Variants in SSBP3 observed in about 807,000 individuals in gnomAD.
The protein encoded by SSBP3 is single-stranded DNA-binding protein 3.
SSBP3 carries 5 observed loss-of-function variants against 69.6 expected under a neutral mutation model. The observed-to-expected ratio is 0.07, with a 90% CI of 0.04 to 0.15. The LOEUF (loss-of-function observed/expected upper bound fraction) is 0.15, where lower values mean the gene tolerates loss of function less well. SSBP3 is among the 10% of genes least tolerant of loss of function. SSBP3 has a pLI of 1.00. For synonymous variants in SSBP3, 196 were observed against 193.4 expected, an observed-to-expected ratio of 1.01 and a Z score of -0.11; for missense variants, 312 against 534.0, an observed-to-expected ratio of 0.58 and a Z score of 4.10.
intron 5 of SSBP3, among the ~76,000 whole-genome samples, chr1:54,276,608 C>CAA (rs746933473): frequency 0.013 from 439 of 35,114 alleles, 30 homozygotes; most frequent in African/African-American, 0.056. Flanking sequence ...GACTCTGTCT[C>CAA]AAAAAAAAAA....
intron 4 of SSBP3, among the ~76,000 whole-genome samples, chr1:54,282,243 C>T (rs1645408959): frequency 6.6e-6 from 1 of 152,196 alleles, no homozygotes; most frequent in Admixed American, 6.5e-5. Flanking sequence ...AAGCTCTTGG[C>T]AGGCCAGTGA....
At chr1:54,273,481 C>T (rs1291832467) in intron 5 of SSBP3, among the ~76,000 whole-genome samples, 2 of 152,330 alleles carry the variant, frequency 1.3e-5, no homozygotes, top group East Asian at 1.9e-4. Flanking sequence ...GCCCCAGTGC[C>T]GGTCATCTGC....
At chr1:54,354,824 G>T (rs1017148400) in intron 4 of SSBP3, among the ~76,000 whole-genome samples, 1 of 152,200 alleles carries the variant, frequency 6.6e-6, no homozygotes, top group Non-Finnish European at 1.5e-5. Flanking sequence ...GTTAAGACAC[G>T]GTGCCTTAGG....
intron 4 of SSBP3, among the ~76,000 whole-genome samples, chr1:54,394,337 T>C (rs1198872719): frequency 6.6e-6 from 1 of 152,212 alleles, no homozygotes; most frequent in Admixed American, 6.5e-5. Flanking sequence ...GATAAATATA[T>C]ATTTCGTTAC....
At chr1:54,337,485 CTTTTTTTTTTTTTTTTTTT>C (rs869039822) in intron 4 of SSBP3, among the ~76,000 whole-genome samples, 1 of 51,134 alleles carries the variant, frequency 2.0e-5, no homozygotes, top group Non-Finnish European at 3.2e-5. Context: ...TTTCCTCAAG[CTTTTTTTTTTTTTTTTTTT>C]TTTTTTTTTT....
At chr1:54,232,582 A>C (rs1644398412) in intron 14 of SSBP3, among the ~76,000 whole-genome samples, 2 of 152,182 alleles carry the variant, frequency 1.3e-5, no homozygotes, top group Non-Finnish European at 2.9e-5. Context: ...CAAATAAATT[A>C]GGGGCCCTCT....
chr1:54,229,504 G>A (rs2100553599), intron 14 of SSBP3, among the ~76,000 whole-genome samples: 1 of 152,324 alleles, frequency 6.6e-6, no homozygotes, highest in Middle Eastern at 3.4e-3. Context: ...CTGGGACTGT[G>A]GGGTGGTGGC....
chr1:54,249,917 C>T (rs917621110), intron 9 of SSBP3, among the ~76,000 whole-genome samples: 4 of 152,116 alleles, frequency 2.6e-5, no homozygotes, highest in South Asian at 2.1e-4. Context: ...CGGTGGCATT[C>T]GATTTTCCCT....
chr1:54,369,191 T>C (rs1264392761), intron 4 of SSBP3, among the ~76,000 whole-genome samples: 1 of 142,830 alleles, frequency 7.0e-6, no homozygotes, highest in Non-Finnish European at 1.5e-5. Context: ...AAATCTGCAT[T>C]GCACATGGGA....
intron 13 of SSBP3, among the ~76,000 whole-genome samples, chr1:54,239,444 T>C (rs1467889098): frequency 6.6e-6 from 1 of 152,118 alleles, no homozygotes; most frequent in Non-Finnish European, 1.5e-5. Flanking sequence ...GGGTTCAAAT[T>C]CTTGTCTCCC....
At chr1:54,227,189 G>GGA (rs1553120731) in intron 17 of SSBP3, 29 bp from the exon 18 acceptor site, 3 of 1,178,636 alleles carry the variant, frequency 2.5e-6, no homozygotes, top group Admixed American at 1.8e-5. Flanking sequence ...GAAGGGGGGG[G>GGA]GGTGAGGATT....
intron 4 of SSBP3, among the ~76,000 whole-genome samples, chr1:54,360,537 G>C (rs1415075258): frequency 6.6e-6 from 1 of 152,100 alleles, no homozygotes; most frequent in African/African-American, 2.4e-5. Flanking sequence ...CTGTGACCCA[G>C]GTAAACTGGC....
At chr1:54,357,358 A>T (rs1233003037) in intron 4 of SSBP3, among the ~76,000 whole-genome samples, 2 of 152,124 alleles carry the variant, frequency 1.3e-5, no homozygotes, top group African/African-American at 4.8e-5. Context: ...GCTCACTTAC[A>T]AAGTCAGGCA....
At chr1:54,300,371 G>A (rs1454922073) in intron 4 of SSBP3, among the ~76,000 whole-genome samples, 5 of 152,170 alleles carry the variant, frequency 3.3e-5, no homozygotes, top group Non-Finnish European at 5.9e-5. Context: ...CCCAGAGAGT[G>A]GAGAGTATCA....
intron 4 of SSBP3, among the ~76,000 whole-genome samples, chr1:54,363,527 C>T (rs1199293342): frequency 2.6e-5 from 4 of 152,138 alleles, no homozygotes; most frequent in Admixed American, 6.5e-5. Flanking sequence ...TTATACTCTA[C>T]GCCCCTTACT....
At chr1:54,263,600 C>G (rs1241593299) in intron 5 of SSBP3, among the ~76,000 whole-genome samples, 1 of 152,226 alleles carries the variant, frequency 6.6e-6, no homozygotes, top group Non-Finnish European at 1.5e-5. Flanking sequence ...GACGTCTGGC[C>G]TCATCTCACC....
At chr1:54,274,304 T>C (rs931973869) in intron 5 of SSBP3, among the ~76,000 whole-genome samples, 24 of 152,342 alleles carry the variant, frequency 1.6e-4, no homozygotes, top group African/African-American at 5.3e-4. Context: ...GGGAATGCTA[T>C]TGGTTCTTAG....
chr1:54,253,185 AGTTTTTG>A (rs1279517523), intron 7 of SSBP3, among the ~76,000 whole-genome samples: 127 of 85,952 alleles, frequency 1.5e-3, no homozygotes, highest in African/African-American at 6.4e-3. Context: ...TTTTTTTTTT[AGTTTTTG>A]TTTTTTTTTT....
chr1:54,262,893 G>A (rs527764094), intron 5 of SSBP3, among the ~76,000 whole-genome samples: 30 of 152,312 alleles, frequency 2.0e-4, no homozygotes, highest in Non-Finnish European at 2.8e-4. Flanking sequence ...CAGGAAACAC[G>A]CCCACTTCCT....
Sources: allele counts gnomAD v4.1 joint callset (sites outside exome capture counted in the v4.1 genomes callset), GRCh38; gene constraint gnomAD v4.1.1; transcripts MANE v1.5; gene names NCBI Gene and HGNC (gene_info 2026-07-23, HGNC 2026-07-21).